POLN: variants seen among roughly 807,000 people sequenced by gnomAD.
The protein encoded by POLN is DNA polymerase N.
POLN carries 108 observed loss-of-function variants against 113.5 expected under a neutral mutation model. That is an observed-to-expected ratio of 0.95 (90% CI 0.81 to 1.12). The LOEUF is 1.12. Ranked by LOEUF, POLN falls within the 50% of genes most tolerant of loss-of-function variation. The pLI, the probability that POLN is intolerant of heterozygous loss-of-function variation, is 0.00. For missense variants in POLN, 1,097 were observed against 1,077.1 expected, an observed-to-expected ratio of 1.02 and a Z score of -0.26; for synonymous variants, 386 against 391.5, an observed-to-expected ratio of 0.99 and a Z score of 0.17.
intron 12 of POLN, 46 bp from the exon 13 acceptor site, chr4:2,170,820 G>T (rs1189436110): frequency 6.5e-7 from 1 of 1,532,494 alleles, no homozygotes. Flanking sequence ...TCACATTTGA[G>T]AGAAACAGAA....
At chr4:2,222,018 G>A (rs372708483) in intron 3 of POLN, among the ~76,000 whole-genome samples, 7 of 152,190 alleles carry the variant, frequency 4.6e-5, no homozygotes, top group African/African-American at 9.7e-5. Context: ...CCTTGGGCAC[G>A]TCTCAGGACT....
intron 16 of POLN, among the ~76,000 whole-genome samples, chr4:2,147,643 C>CTTTTTTT (rs747184067): frequency 3.8e-5 from 3 of 79,358 alleles, no homozygotes; most frequent in East Asian, 3.2e-4. Flanking sequence ...TTTTTCTTTT[C>CTTTTTTT]TTTTTTTTTT....
At chr4:2,188,265 C>CCAT (rs1275227836) in intron 7 of POLN, among the ~76,000 whole-genome samples, 4 of 152,148 alleles carry the variant, frequency 2.6e-5, no homozygotes, top group African/African-American at 9.7e-5. Flanking sequence ...ACCACCAGAC[C>CCAT]CATCTTCCAA....
chr4:2,147,430 C>T (rs928651766), intron 16 of POLN, among the ~76,000 whole-genome samples: 4 of 152,068 alleles, frequency 2.6e-5, no homozygotes, highest in African/African-American at 9.7e-5. Flanking sequence ...AAGATGATCC[C>T]TAAAGTATCT....
chr4:2,081,012 A>G lies in POLN; in HGVS notation c.2333T>C (p.Leu778Pro), dbSNP rs1730400548. 1.2e-6 allele frequency: 2 copies of G among 1,613,868 alleles called. No homozygotes were observed. The highest frequency in any genetic ancestry group is 1.7e-6 in the Non-Finnish European group (2 of 1,179,966). Residue 778 changes from leucine (L) to proline (P), a missense_variant, in exon 23 of 26, where the codon CTG becomes CCG. Coordinates refer to ENST00000511885, the MANE Select transcript of POLN (RefSeq NM_181808.4). Reference sequence around the variant, plus strand: ...TGCAGTGAAGACATGGATCATGGCCAGCTTGCAGAGGTCAGCAGCGGAGCC... The same window carrying G: ...TGCAGTGAAGACATGGATCATGGCCGGCTTGCAGAGGTCAGCAGCGGAGCC... ...VQGSAADLCK[L>P]AMIHVFTAVA...
rs142766178 is a variant in POLN at position 2,236,308 on chromosome 4, G to A, written c.-13+5212C>T. The A allele has an allele frequency of 3.5e-4, 563 of 1,613,624 alleles. 2 individuals carry two copies. In the African/African-American group the frequency reaches 6.8e-3, roughly 20 times the overall value. ...TCCACATCCTTATTCCGTTTGGACAGAAAGAAAGAATGTTCTTGAGCAGAT... is the reference window on the plus strand; with the variant it reads ...TCCACATCCTTATTCCGTTTGGACAAAAAGAAAGAATGTTCTTGAGCAGAT... On this transcript the variant is annotated intron_variant, in intron 2 of 25. Coordinates refer to ENST00000511885, the MANE Select transcript of POLN (RefSeq NM_181808.4).
At chr4:2,172,001 T>A (rs1229491527) in intron 11 of POLN, among the ~76,000 whole-genome samples, 4 of 151,950 alleles carry the variant, frequency 2.6e-5, no homozygotes, top group Non-Finnish European at 4.4e-5. Flanking sequence ...CCAGAATACA[T>A]CAGGATATCC....
intron 5 of POLN, among the ~76,000 whole-genome samples, chr4:2,204,152 G>C (rs1045377777): frequency 7.4e-6 from 1 of 134,940 alleles, no homozygotes; most frequent in African/African-American, 2.7e-5. Flanking sequence ...TGAAACAAAA[G>C]GCTGGTTCTT....
At chr4:2,236,973 G>C (rs1734789148) in intron 2 of POLN, among the ~76,000 whole-genome samples, 4 of 151,526 alleles carry the variant, frequency 2.6e-5, no homozygotes, top group Admixed American at 2.6e-4. Flanking sequence ...TTTCAGTACA[G>C]AAATATATAT....
chr4:2,241,378 G>A (rs1734979688), intron 2 of POLN, 142 bp downstream of exon 2: 1 of 443,186 alleles, frequency 2.3e-6, no homozygotes, highest in Non-Finnish European at 3.0e-6. Flanking sequence ...TTATAGAGCA[G>A]CATTTGTTTT....
At chr4:2,197,798 C>A (rs554693784) in intron 6 of POLN, among the ~76,000 whole-genome samples, 1 of 152,206 alleles carries the variant, frequency 6.6e-6, no homozygotes, top group East Asian at 1.9e-4. Flanking sequence ...AGGCTAGTAA[C>A]GGGGCCCAAC....
intron 13 of POLN, among the ~76,000 whole-genome samples, chr4:2,160,427 CA>C (rs754250073): frequency 1.3e-5 from 2 of 151,178 alleles, no homozygotes; most frequent in Non-Finnish European, 2.9e-5. Context: ...TTTTTTTTTA[CA>C]TAAGGTCTTG....
intron 16 of POLN, among the ~76,000 whole-genome samples, chr4:2,142,483 C>G (rs1248808407): frequency 6.6e-6 from 1 of 152,200 alleles, no homozygotes; most frequent in Non-Finnish European, 1.5e-5. Context: ...CTATCCCTGT[C>G]CCAAGATACA....
intron 5 of POLN, among the ~76,000 whole-genome samples, chr4:2,206,085 G>A (rs1472912182): frequency 6.6e-6 from 1 of 152,064 alleles, no homozygotes; most frequent in Non-Finnish European, 1.5e-5. Flanking sequence ...AGAGAAACCA[G>A]AAATAAACCC....
At chr4:2,078,765 G>A (rs1730336228) in intron 23 of POLN, 15 of 985,424 alleles carry the variant, frequency 1.5e-5, no homozygotes, top group South Asian at 4.7e-5. Flanking sequence ...GCATTTCCTC[G>A]TGACAGCCAA....
chr4:2,139,756 T>C (rs145363983), intron 16 of POLN: 6 of 152,348 alleles, frequency 3.9e-5, no homozygotes, highest in African/African-American at 1.4e-4. Flanking sequence ...GGGAGGAATA[T>C]TCATCAGGAA....
intron 3 of POLN, among the ~76,000 whole-genome samples, chr4:2,220,892 A>C (rs1395463572): frequency 6.6e-6 from 1 of 152,218 alleles, no homozygotes; most frequent in African/African-American, 2.4e-5. Context: ...TGACATACGT[A>C]TGCATGTGTA....
chr4:2,139,361 G>GC (rs1731940835), intron 16 of POLN, among the ~76,000 whole-genome samples: 2 of 152,264 alleles, frequency 1.3e-5, no homozygotes, highest in Non-Finnish European at 2.9e-5. Flanking sequence ...CCACCTGCCA[G>GC]CCTTTGGCCC....
chr4:2,111,639 A>G lies in POLN; in HGVS notation c.1983-15706T>C, dbSNP rs1359565157. Among the ~76,000 whole-genome samples, 10 of 152,330 alleles carry G rather than the reference A, an allele frequency of 6.6e-5. No homozygotes were observed. The East Asian group carries it at 1.9e-3, about 29-fold the overall frequency. ...AAATCATGAGTGAACTCCCATTCACAATTGCTTCAAAGAGAACAAAATACC... is the reference window on the plus strand; with the variant it reads ...AAATCATGAGTGAACTCCCATTCACGATTGCTTCAAAGAGAACAAAATACC... On this transcript the variant is annotated intron_variant, in intron 19 of 25. Transcript: ENST00000511885.
Sources: gnomAD v4.1 joint callset for allele counts (sites outside exome capture counted in the v4.1 genomes callset) on GRCh38, gnomAD v4.1.1 for gene constraint, MANE v1.5 for transcripts, NCBI Gene and HGNC (gene_info 2026-07-23, HGNC 2026-07-21) for gene names.